Variants in CACNG2 observed in about 807,000 individuals in gnomAD.
CACNG2 encodes voltage-dependent calcium channel gamma-2 subunit.
Under a neutral mutation model 25.9 loss-of-function variants are expected in CACNG2, and 3 were observed. The observed-to-expected ratio is 0.12, with a 90% CI of 0.05 to 0.30. CACNG2 has a LOEUF of 0.30. CACNG2 is among the 10% of genes least tolerant of loss of function. CACNG2 has a pLI of 1.00. For synonymous variants in CACNG2, 167 were observed against 173.3 expected, an observed-to-expected ratio of 0.96 and a Z score of 0.29; for missense variants, 341 against 432.5, an observed-to-expected ratio of 0.79 and a Z score of 1.88.
At chr22:36,575,035 A>G (rs1411203598) in intron 2 of CACNG2, among the ~76,000 whole-genome samples, 1 of 152,178 alleles carries the variant, frequency 6.6e-6, no homozygotes, top group Non-Finnish European at 1.5e-5. Flanking sequence ...GGGGAGCCCC[A>G]ATGGTTAGTG....
At chr22:36,651,084 GTC>G (rs1397857094) in intron 1 of CACNG2, among the ~76,000 whole-genome samples, 7 of 152,100 alleles carry the variant, frequency 4.6e-5, no homozygotes, top group Non-Finnish European at 8.8e-5. Flanking sequence ...CTTAGCTCTT[GTC>G]TCTACGTAGC....
intron 1 of CACNG2, among the ~76,000 whole-genome samples, chr22:36,599,352 T>C (rs531045947): frequency 2.0e-5 from 3 of 152,316 alleles, no homozygotes; most frequent in African/African-American, 4.8e-5. Context: ...TAGAAATACA[T>C]GTGTATGTGG....
At chr22:36,634,339 T>C (rs887908275) in intron 1 of CACNG2, among the ~76,000 whole-genome samples, 1 of 152,206 alleles carries the variant, frequency 6.6e-6, no homozygotes, top group Non-Finnish European at 1.5e-5. Flanking sequence ...CTGCCATGAT[T>C]TTTCTCCTTC....
chr22:36,564,260 T>A lies in CACNG2; in HGVS notation c.*91A>T. The A allele has an allele frequency of 8.9e-7, 1 of 1,127,936 alleles. No homozygotes were observed. The highest frequency in any genetic ancestry group is 1.7e-5 in the South Asian group (1 of 57,156). 69.9% of individuals were successfully genotyped at this position (1,127,936 alleles called of 1,614,324 possible). On this transcript the variant is annotated 3_prime_UTR_variant, in exon 4 of 4. Transcript: ENST00000300105. This position sits in a 1 kb window ranked among gnomAD's most constrained non-coding sequence, Gnocchi z 6.7. The stretch of plus-strand genomic sequence containing the variant: ...GTTTTTTGTTTTTGCTTTTGGAAGG[T>A]CTCCCAGCGGAGGGTCTGGGTCTCC...
At chr22:36,578,019 C>T (rs765484167) in intron 2 of CACNG2, among the ~76,000 whole-genome samples, 12 of 151,490 alleles carry the variant, frequency 7.9e-5, no homozygotes, top group African/African-American at 2.2e-4. Context: ...CTTGGGCCTC[C>T]GTTTTTCCCT....
Position 36,588,185 on chromosome 22 carries a change from G to A in CACNG2, c.212-637C>T, listed in dbSNP as rs11913667. On this transcript the variant is annotated intron_variant, in intron 1 of 3. Coordinates refer to ENST00000300105, the MANE Select transcript of CACNG2 (RefSeq NM_006078.5). ...GTTCCACCACAGGCCTGTGAGGGGG[G>A]TATTATCATCCTCATTGTATAGATG... 2.9e-3 allele frequency among the ~76,000 whole-genome samples: 442 copies of A among 152,312 alleles called. 4 individuals carry two copies. Among genetic ancestry groups the A allele is most frequent in the African/African-American group, 0.01 (416 of 41,562 alleles).
chr22:36,613,761 C>G (rs114027544), intron 1 of CACNG2, among the ~76,000 whole-genome samples: 3,235 of 152,110 alleles, frequency 0.021, 125 homozygotes, highest in African/African-American at 0.073. Flanking sequence ...CCGTGAATAT[C>G]CCACAGATAT....
intron 1 of CACNG2, among the ~76,000 whole-genome samples, chr22:36,600,450 CAAA>C (rs56118733): frequency 1.4e-5 from 2 of 147,352 alleles, no homozygotes; most frequent in African/African-American, 5.1e-5. Context: ...ACCAAAAAAA[CAAA>C]AAAAAAAATG....
At chr22:36,587,364 G>C in intron 2 of CACNG2, 101 bp downstream of exon 2, 1 of 862,878 alleles carries the variant, frequency 1.2e-6, no homozygotes, top group Non-Finnish European at 2.0e-6. Context: ...GCCCTCTGCT[G>C]TGATGAGGGC....
chr22:36,687,100 G>C (rs1405028000), intron 1 of CACNG2, among the ~76,000 whole-genome samples: 1 of 152,144 alleles, frequency 6.6e-6, no homozygotes, highest in Non-Finnish European at 1.5e-5. Flanking sequence ...TTGATCCATG[G>C]GATGTGAAGG....
intron 1 of CACNG2, among the ~76,000 whole-genome samples, chr22:36,648,854 A>G (rs1569040201): frequency 6.6e-6 from 1 of 151,792 alleles, no homozygotes; most frequent in Non-Finnish European, 1.5e-5. Context: ...CTCCAACTCC[A>G]TCATCCTCAT....
intron 1 of CACNG2, among the ~76,000 whole-genome samples, chr22:36,669,870 G>A (rs558109258): frequency 6.6e-6 from 1 of 152,076 alleles, no homozygotes; most frequent in South Asian, 2.1e-4. Context: ...CCAACACCAC[G>A]CCCAGTGAAT....
intron 2 of CACNG2, among the ~76,000 whole-genome samples, chr22:36,586,355 G>A (rs903853805): frequency 9.8e-5 from 15 of 152,296 alleles, no homozygotes; most frequent in Non-Finnish European, 1.8e-4. Flanking sequence ...TAAGAGCAAC[G>A]TCTTGAAGGA....
chr22:36,605,185 C>G lies in CACNG2; in HGVS notation c.212-17637G>C, dbSNP rs568625680. Among the ~76,000 whole-genome samples the G allele has an allele frequency of 2.7e-4, 41 of 152,156 alleles. 1 individual carries two copies. Among genetic ancestry groups the G allele is most frequent in the Non-Finnish European group, 4.7e-4 (32 of 68,024 alleles). ...TGTCTCCTGGGTTCAAGCAATTCTC[C>G]TGCCTCAGCCTCCTGAGTAGCTGGG... On this transcript the variant is annotated intron_variant, in intron 1 of 3. Transcript: ENST00000300105.
intron 1 of CACNG2, among the ~76,000 whole-genome samples, chr22:36,679,140 T>C (rs997780232): frequency 5.5e-5 from 2 of 36,586 alleles, no homozygotes; most frequent in East Asian, 1.1e-3. Flanking sequence ...TTTTCTCCCT[T>C]CCTTCCTTCC....
At chr22:36,661,032 T>G (rs1489876188) in intron 1 of CACNG2, among the ~76,000 whole-genome samples, 1 of 152,246 alleles carries the variant, frequency 6.6e-6, no homozygotes, top group Non-Finnish European at 1.5e-5. Context: ...CCTGTGTCAG[T>G]GCCGGCACAT....
At chr22:36,629,216 C>G (rs1317453044) in intron 1 of CACNG2, among the ~76,000 whole-genome samples, 2 of 152,256 alleles carry the variant, frequency 1.3e-5, no homozygotes, top group East Asian at 3.9e-4. Context: ...AAGGAATAAC[C>G]GAAGCCTTAA....
chr22:36,643,466 A>ATCTGTCTG (rs60854802), intron 1 of CACNG2, among the ~76,000 whole-genome samples: 32,470 of 144,158 alleles, frequency 0.23, 3,748 homozygotes, highest in Non-Finnish European at 0.26. Flanking sequence ...ATCTACATCT[A>ATCTGTCTG]TCTGTCTGTC....
chr22:36,652,141 C>A (rs1035078406), intron 1 of CACNG2, among the ~76,000 whole-genome samples: 3 of 152,212 alleles, frequency 2.0e-5, no homozygotes, highest in African/African-American at 7.2e-5. Context: ...GCTGAGATTA[C>A]AGGTGTGAGC....
Sources: gnomAD v4.1 joint callset for allele counts (sites outside exome capture counted in the v4.1 genomes callset) on GRCh38, gnomAD v4.1.1 for gene constraint, Gnocchi (gnomAD v3.1) non-coding constraint, MANE v1.5 for transcripts, NCBI Gene and HGNC (gene_info 2026-07-23, HGNC 2026-07-21) for gene names.